The following IQCE variants were observed in gnomAD, a reference collection of about 807,000 sequenced individuals.
IQCE encodes the protein IQ domain-containing protein E.
IQCE carries 115 observed loss-of-function variants against 96.0 expected under a neutral mutation model. That is an observed-to-expected ratio of 1.20 (90% confidence interval 1.03 to 1.40). The LOEUF (loss-of-function observed/expected upper bound fraction) is 1.40, where lower values mean the gene tolerates loss of function less well. IQCE is among the 40% of genes most tolerant of loss of function. The pLI is 0.00. For missense variants in IQCE, 1,041 were observed against 909.1 expected, an observed-to-expected ratio of 1.15 and a Z score of -1.87; for synonymous variants, 412 against 371.2, an observed-to-expected ratio of 1.11 and a Z score of -1.26.
chr7:2,581,281 C>G (rs1406179106), intron 8 of IQCE, among the ~76,000 whole-genome samples: 1 of 152,120 alleles, frequency 6.6e-6, no homozygotes, highest in Non-Finnish European at 1.5e-5. Flanking sequence ...TCTCGACTCA[C>G]TGCACCCTCC....
At chr7:2,576,551 C>A (rs534890026) in intron 6 of IQCE, among the ~76,000 whole-genome samples, 146 of 152,200 alleles carry the variant, frequency 9.6e-4, no homozygotes, top group African/African-American at 3.4e-3. Flanking sequence ...AGGTGCGTGC[C>A]ACCACACCTG....
At chr7:2,584,121 T>G in intron 10 of IQCE, 115 bp from the exon 11 acceptor site, 1 of 918,694 alleles carries the variant, frequency 1.1e-6, no homozygotes, top group Non-Finnish European at 1.8e-6. Flanking sequence ...GTGCGGCCAC[T>G]TAGTTCCCGC....
rs1489856263 is a variant in IQCE at position 2,586,335 on chromosome 7, G to A, written c.952G>A (p.Val318Met). Reference sequence around the variant, plus strand: ...GAGCCTGAAGGAGGACCTGGACCGCGTGCTGAGCACCTCCCCAACCATCTC... The same window carrying A: ...GAGCCTGAAGGAGGACCTGGACCGCATGCTGAGCACCTCCCCAACCATCTC... The part of the protein sequence containing the change: ...NQSLKEDLDR[V>M]LSTSPTISKT... Residue 318 changes from valine (V) to methionine (M), a missense_variant, in exon 12 of 22, where the codon GTG becomes ATG. Transcript: ENST00000402050. The A allele has an allele frequency of 5.0e-6, 8 of 1,613,538 alleles. No homozygotes were observed. The highest frequency in any genetic ancestry group is 2.7e-5 in the African/African-American group (2 of 74,906).
intron 9 of IQCE, among the ~76,000 whole-genome samples, chr7:2,583,100 C>A (rs1341380350): frequency 6.6e-6 from 1 of 152,174 alleles, no homozygotes. Context: ...CCCCTCGTTT[C>A]CTGCCGAATT....
At chr7:2,559,247 C>CAGGTGACGGAGCTCACGGT (rs1171554655) in intron 1 of IQCE, 30 bp downstream of exon 1, 31 of 1,179,860 alleles carry the variant, frequency 2.6e-5, no homozygotes, top group Admixed American at 4.5e-5. Flanking sequence ...CGACGCCGGG[C>CAGGTGACGGAGCTCACGGT]GGGCGTCCGC....
At chr7:2,606,621 GCCGCGCGGCCAC>G (rs145837239) in intron 20 of IQCE, among the ~76,000 whole-genome samples, 241 of 152,270 alleles carry the variant, frequency 1.6e-3, no homozygotes, top group African/African-American at 5.5e-3. Context: ...CTGTGGTGGA[GCCGCGCGGCCAC>G]CCAGCACTTC....
Position 2,582,576 on chromosome 7 carries a change from G to A in IQCE, c.631-4G>A. 6.2e-7 allele frequency: 1 copy of A among 1,613,810 alleles called. No individual in the cohort carries two copies. The highest frequency in any genetic ancestry group is 1.1e-5 in the South Asian group (1 of 90,994). On this transcript the variant is annotated splice_region_variant and splice_polypyrimidine_tract_variant and intron_variant, in intron 8 of 21. Transcript: ENST00000402050. Reference sequence around the variant, plus strand: ...CCTGCCTGATGGGCACGTTCCCCGGGCAGGTCATTAACGGGCTGAAGCAGA... The same window carrying A: ...CCTGCCTGATGGGCACGTTCCCCGGACAGGTCATTAACGGGCTGAAGCAGA...
At chr7:2,598,840 A>C (rs568208445) in intron 17 of IQCE, 16 of 407,382 alleles carry the variant, frequency 3.9e-5, no homozygotes, top group African/African-American at 2.7e-4. Flanking sequence ...AACTCGCCAG[A>C]TTTCTTTCCA....
chr7:2,603,097 T>C (rs759596393), intron 18 of IQCE, among the ~76,000 whole-genome samples: 1 of 152,136 alleles, frequency 6.6e-6, no homozygotes, highest in Non-Finnish European at 1.5e-5. Context: ...CTCACACATC[T>C]GCAATGGCAA....
At chr7:2,576,161 TTG>T (rs1782110574) in intron 6 of IQCE, among the ~76,000 whole-genome samples, 1 of 152,202 alleles carries the variant, frequency 6.6e-6, no homozygotes, top group Non-Finnish European at 1.5e-5. Flanking sequence ...GCATTCCAGA[TTG>T]TCTTTTGCTC....
In IQCE at chr7:2,593,053, G is replaced by A. The variant is rs1290732036; in HGVS notation, c.1276G>A (p.Ala426Thr). The A allele has an allele frequency of 4.3e-6, 7 of 1,611,224 alleles. No individual in the cohort carries two copies. The highest frequency in any genetic ancestry group is 1.7e-5 in the Admixed American group (1 of 59,988). Reference protein sequence around the residue: ...LEVKQLLQAKADLEKELECAR... With the variant: ...LEVKQLLQAKTDLEKELECAR... ...GGTGAAGCAGCTCCTGCAGGCGAAG[G>A]CCGACCTGGAGAAGGAGCTGGAGTG... Residue 426 changes from alanine (A) to threonine (T), a missense_variant, in exon 15 of 22, where the codon GCC (alanine) becomes ACC (threonine). By Grantham distance (58) the Ala-to-Thr change is moderately conservative. Transcript: ENST00000402050.
intron 18 of IQCE, chr7:2,602,062 A>T: frequency 6.4e-6 from 1 of 156,432 alleles, no homozygotes; most frequent in South Asian, 2.0e-4. Context: ...AAAGGCTCAA[A>T]CACACAAGTG....
chr7:2,565,133 A>AGTGTGT (rs35495754), intron 1 of IQCE, among the ~76,000 whole-genome samples: 5,033 of 147,216 alleles, frequency 0.034, 295 homozygotes, highest in African/African-American at 0.12. Flanking sequence ...CATGTGTGTG[A>AGTGTGT]GTGTGTGTGT....
chr7:2,572,733 G>T (rs761117394), intron 5 of IQCE: 2 of 457,346 alleles, frequency 4.4e-6, no homozygotes, highest in South Asian at 1.6e-5. Context: ...TTTTAGAGAC[G>T]GAATCTCGCT....
At chr7:2,575,296 ATCATCGACACCTGCACCGGGAGGGGCTCC>A (rs1562632134) in intron 6 of IQCE, among the ~76,000 whole-genome samples, 1 of 152,188 alleles carries the variant, frequency 6.6e-6, no homozygotes, top group East Asian at 1.9e-4. Context: ...CCACTCAGCC[ATCATCGACACCTGCACCGGGAGGGGCTCC>A]TCATTCCCAC....
rs916420878 is a variant in IQCE at position 2,589,904 on chromosome 7, C to T, written c.1045-3C>T. Reference sequence around the variant, plus strand: ...ATCTAACACATGTCTGTGTTGCCTCCAGAAACTAAGTGTGATGGAGAGCTC... The same window carrying T: ...ATCTAACACATGTCTGTGTTGCCTCTAGAAACTAAGTGTGATGGAGAGCTC... On this transcript the variant is annotated splice_region_variant and splice_polypyrimidine_tract_variant and intron_variant, in intron 13 of 21. Transcript: ENST00000402050. The T allele has an allele frequency of 1.9e-6, 3 of 1,613,552 alleles. No homozygotes were observed. The East Asian group carries it at 6.7e-5, about 36-fold the overall frequency.
rs774115233 is a variant in IQCE at position 2,586,255 on chromosome 7, G to A, written c.872G>A (p.Gly291Asp). 1.9e-5 allele frequency: 30 copies of A among 1,614,056 alleles called. No homozygotes were observed. The highest frequency in any genetic ancestry group is 2.5e-5 in the Non-Finnish European group (30 of 1,179,964). The change falls in exon 12 of 22, where the codon GGC becomes GAC. Residue 291 changes from glycine to aspartate, a missense_variant. Gly to Asp is a moderately conservative substitution (Grantham distance 94, BLOSUM62 -1). Coordinates refer to ENST00000402050, the MANE Select transcript of IQCE (RefSeq NM_152558.5). ...KTGAKRQKKMGSALLSLSRSV... is the reference protein window; with the variant it reads ...KTGAKRQKKMDSALLSLSRSV... ...GGCGCCAAAAGGCAGAAGAAGATGG[G>A]CAGTGCCCTCCTGAGCTTGTCCCGG...
chr7:2,589,566 G>C (rs1176094908), intron 13 of IQCE, among the ~76,000 whole-genome samples: 1 of 152,166 alleles, frequency 6.6e-6, no homozygotes, highest in Non-Finnish European at 1.5e-5. Context: ...CATGAAGGCT[G>C]AAAATGTCGG....
intron 6 of IQCE, among the ~76,000 whole-genome samples, chr7:2,577,975 A>G (rs1311597706): frequency 8.1e-6 from 1 of 124,014 alleles, no homozygotes; most frequent in Non-Finnish European, 1.7e-5. Flanking sequence ...GCGCGCGGGG[A>G]CGTGTGTGCG....
Sources: gnomAD v4.1 joint callset for allele counts (sites outside exome capture counted in the v4.1 genomes callset) on GRCh38, gnomAD v4.1.1 for gene constraint, MANE v1.5 for transcripts, NCBI Gene and HGNC (gene_info 2026-07-23, HGNC 2026-07-21) for gene names.